TMEM132D: variants seen among roughly 807,000 people sequenced by gnomAD.
The protein encoded by TMEM132D is mature OL transmembrane protein.
TMEM132D carries 21 observed loss-of-function variants against 62.3 expected under a neutral mutation model. The observed-to-expected ratio is 0.34, with a 90% CI of 0.24 to 0.49. The LOEUF (loss-of-function observed/expected upper bound fraction) is 0.49, where lower values mean the gene tolerates loss of function less well. TMEM132D is among the 20% of genes least tolerant of loss of function. TMEM132D has a pLI of 0.99. For synonymous variants in TMEM132D, 621 were observed against 575.6 expected (o/e 1.08, Z -1.13); for missense variants, 1,346 against 1,402.8 (o/e 0.96, Z 0.65).
In TMEM132D at chr12:129,451,466, G is replaced by T. The variant is rs12831788; in HGVS notation, c.1115+79593C>A. On this transcript the variant is annotated intron_variant, in intron 3 of 8. Transcript: ENST00000422113. ...TTACAGTGACTAGATGCTTTATAGA[G>T]AAGTTTGGGTAGCAATCACAGGGAA... is the stretch of plus-strand genomic sequence containing the variant. Among the ~76,000 whole-genome samples the T allele has an allele frequency of 3.3e-3, 495 of 152,294 alleles. 2 individuals carry two copies. Among genetic ancestry groups the T allele is most frequent in the Admixed American group, 5.6e-3 (86 of 15,296 alleles).
chr12:129,559,190 A>G (rs1877144755), intron 2 of TMEM132D, among the ~76,000 whole-genome samples: 1 of 152,196 alleles, frequency 6.6e-6, no homozygotes, highest in South Asian at 2.1e-4. Flanking sequence ...AAATGGCTTT[A>G]TTTATAAAGT....
chr12:129,870,734 C>A (rs991845315), intron 1 of TMEM132D, among the ~76,000 whole-genome samples: 1 of 152,094 alleles, frequency 6.6e-6, no homozygotes, highest in East Asian at 1.9e-4. Flanking sequence ...TGTGTAGGCA[C>A]GTTGGACAGA....
intron 1 of TMEM132D, among the ~76,000 whole-genome samples, chr12:129,811,216 A>C (rs1005759444): frequency 1.3e-5 from 2 of 151,700 alleles, no homozygotes; most frequent in African/African-American, 4.8e-5. Context: ...GTACAATATT[A>C]TAAAGATATC....
intron 4 of TMEM132D, among the ~76,000 whole-genome samples, chr12:129,223,461 G>A (rs1226224697): frequency 2.0e-5 from 3 of 152,140 alleles, no homozygotes; most frequent in Non-Finnish European, 4.4e-5. Context: ...TGTAAATGCA[G>A]AGGCTTTTCA....
At chr12:129,581,988 G>C (rs1398612418) in intron 2 of TMEM132D, among the ~76,000 whole-genome samples, 1 of 152,194 alleles carries the variant, frequency 6.6e-6, no homozygotes, top group African/African-American at 2.4e-5. Context: ...ACTACCCACA[G>C]CATGTTTAAC....
chr12:129,809,969 A>C (rs1872118963), intron 1 of TMEM132D, among the ~76,000 whole-genome samples: 2 of 152,214 alleles, frequency 1.3e-5, no homozygotes, highest in Non-Finnish European at 2.9e-5. Flanking sequence ...ATGTCTAACA[A>C]ATTGTAACAA....
intron 1 of TMEM132D, among the ~76,000 whole-genome samples, chr12:129,737,215 C>T (rs1031877349): frequency 6.6e-6 from 1 of 152,182 alleles, no homozygotes; most frequent in Non-Finnish European, 1.5e-5. Flanking sequence ...AGCAGCATTC[C>T]TGACCTCTAC....
chr12:129,847,816 C>G (rs759347488), intron 1 of TMEM132D, among the ~76,000 whole-genome samples: 1 of 152,084 alleles, frequency 6.6e-6, no homozygotes, highest in East Asian at 1.9e-4. Context: ...TGCAAGAAGT[C>G]TGACAACCCT....
Position 129,081,032 on chromosome 12 carries a change from G to A in TMEM132D, c.1923+727C>T, listed in dbSNP as rs1047107257. Among the ~76,000 whole-genome samples, 9 of 152,204 alleles carry A rather than the reference G, an allele frequency of 5.9e-5. No homozygotes were observed. The South Asian group carries it at 8.3e-4, about 14-fold the overall frequency. On this transcript the variant is annotated intron_variant, in intron 7 of 8. Coordinates refer to ENST00000422113, the MANE Select transcript of TMEM132D (RefSeq NM_133448.3). ...CCCGCGGCTGTGACTCGGTAGGGGC[G>A]GCCACAATATCCTGAAGCCGTGGGA...
intron 1 of TMEM132D, among the ~76,000 whole-genome samples, chr12:129,900,134 T>A (rs978298912): frequency 1.3e-5 from 2 of 152,218 alleles, no homozygotes; most frequent in African/African-American, 4.8e-5. Flanking sequence ...TGTATTCATA[T>A]CACCTCTCCT....
At chr12:129,349,025 T>C (rs1869782532) in intron 3 of TMEM132D, among the ~76,000 whole-genome samples, 1 of 152,174 alleles carries the variant, frequency 6.6e-6, no homozygotes, top group South Asian at 2.1e-4. Context: ...GATGGACAAG[T>C]CCATGGATGC....
chr12:129,261,765 C>T (rs1033970780), intron 4 of TMEM132D, among the ~76,000 whole-genome samples: 18 of 152,056 alleles, frequency 1.2e-4, no homozygotes, highest in Non-Finnish European at 2.5e-4. Flanking sequence ...TCTCTGCTTA[C>T]GAGGACACCA....
chr12:129,747,017 C>T (rs1869804869), intron 1 of TMEM132D, among the ~76,000 whole-genome samples: 2 of 152,096 alleles, frequency 1.3e-5, no homozygotes, highest in African/African-American at 4.8e-5. Flanking sequence ...CCCATTCATC[C>T]GACAGTCCCT....
chr12:129,494,286 T>G (rs938893503), intron 3 of TMEM132D, among the ~76,000 whole-genome samples: 2 of 152,164 alleles, frequency 1.3e-5, no homozygotes, highest in South Asian at 2.1e-4. Flanking sequence ...TTGTTTGGTT[T>G]ATGAGGAAAT....
chr12:129,080,435 T>C (rs1874412456), intron 7 of TMEM132D, among the ~76,000 whole-genome samples: 1 of 152,180 alleles, frequency 6.6e-6, no homozygotes, highest in Non-Finnish European at 1.5e-5. Context: ...CCTTTAGAGA[T>C]CATTAGAGCA....
intron 1 of TMEM132D, among the ~76,000 whole-genome samples, chr12:129,715,970 G>A (rs1262026583): frequency 1.3e-5 from 2 of 152,176 alleles, no homozygotes; most frequent in Non-Finnish European, 1.5e-5. Context: ...AGAGGGTCAC[G>A]AGGCTAGCGA....
chr12:129,405,494 G>A (rs1871754888), intron 3 of TMEM132D, among the ~76,000 whole-genome samples: 1 of 152,196 alleles, frequency 6.6e-6, no homozygotes. Flanking sequence ...TCCCCTGGCT[G>A]CTGTGGGGCA....
intron 2 of TMEM132D, among the ~76,000 whole-genome samples, chr12:129,690,034 T>C (rs78649647): frequency 0.022 from 3,345 of 152,278 alleles, 170 homozygotes; most frequent in South Asian, 0.12. Context: ...ACTGTTTGTT[T>C]AAGCAATAAT....
At chr12:129,431,443 G>T (rs149622162) in intron 3 of TMEM132D, among the ~76,000 whole-genome samples, 2 of 152,282 alleles carry the variant, frequency 1.3e-5, no homozygotes, top group East Asian at 3.9e-4. Flanking sequence ...GATGCTCGAA[G>T]TGTCTCTTGG....
Sources: allele counts gnomAD v4.1 joint callset (sites outside exome capture counted in the v4.1 genomes callset), GRCh38; gene constraint gnomAD v4.1.1; transcripts MANE v1.5; gene names NCBI Gene and HGNC (gene_info 2026-07-23, HGNC 2026-07-21).